Variants in SCFD2 observed in about 807,000 individuals in gnomAD.
SCFD2 encodes the protein sec1 family domain-containing protein 2.
SCFD2 carries 54 observed loss-of-function variants against 58.9 expected under a neutral mutation model. The observed-to-expected ratio is 0.92, with a 90% CI of 0.74 to 1.15. SCFD2 has a LOEUF of 1.15. Among genes scored for constraint, SCFD2 ranks in the 50% most tolerant of loss-of-function variants. The probability of loss-of-function intolerance (pLI) is 0.00; values close to 1 mark genes in which losing one functional copy is unlikely to be tolerated. For synonymous variants in SCFD2, 321 were observed against 335.9 expected (o/e 0.96, Z 0.49); for missense variants, 805 against 836.6 (o/e 0.96, Z 0.47).
intron 3 of SCFD2, among the ~76,000 whole-genome samples, chr4:53,289,237 G>A (rs113294191): frequency 0.13 from 19,100 of 151,972 alleles, 1,381 homozygotes; most frequent in East Asian, 0.22. Context: ...ATGGTGGCAG[G>A]CGCCTGTAAT....
chr4:53,056,513 T>C (rs892735352), intron 5 of SCFD2, among the ~76,000 whole-genome samples: 1 of 152,198 alleles, frequency 6.6e-6, no homozygotes, highest in Admixed American at 6.5e-5. Context: ...CCACAACAAA[T>C]TCATTTATAT....
chr4:53,159,419 G>A (rs1039162041), intron 4 of SCFD2, among the ~76,000 whole-genome samples: 24 of 152,164 alleles, frequency 1.6e-4, no homozygotes, highest in African/African-American at 5.5e-4. Context: ...TTCCCAGTCA[G>A]AAGAAAGCTA....
chr4:53,211,848 A>AT (rs1190192734), intron 4 of SCFD2, among the ~76,000 whole-genome samples: 1 of 152,142 alleles, frequency 6.6e-6, no homozygotes. Context: ...AATATAATCC[A>AT]TTTAAACAAA....
At chr4:52,884,238 T>C (rs547949865) in intron 8 of SCFD2, among the ~76,000 whole-genome samples, 2 of 152,224 alleles carry the variant, frequency 1.3e-5, no homozygotes, top group African/African-American at 4.8e-5. Context: ...TGGGTAGATA[T>C]GTGGAAAGAG....
chr4:53,246,597 A>G (rs913218846), intron 4 of SCFD2, among the ~76,000 whole-genome samples: 4 of 152,330 alleles, frequency 2.6e-5, no homozygotes, highest in Middle Eastern at 3.4e-3. Flanking sequence ...GCAATGGGGA[A>G]AGAACTCCCT....
At chr4:53,217,148 G>A (rs1390022678) in intron 4 of SCFD2, among the ~76,000 whole-genome samples, 1 of 152,320 alleles carries the variant, frequency 6.6e-6, no homozygotes, top group East Asian at 1.9e-4. Flanking sequence ...GAGTTCTGTA[G>A]ATTTCTATTA....
chr4:53,299,013 A>C (rs4435800), intron 3 of SCFD2, among the ~76,000 whole-genome samples: 108,485 of 151,964 alleles, frequency 0.71, 38,905 homozygotes, highest in Middle Eastern at 0.8. Flanking sequence ...AGCAGAAAAA[A>C]CAGAAACTCT....
intron 5 of SCFD2, among the ~76,000 whole-genome samples, chr4:52,929,808 T>C (rs1010982720): frequency 2.6e-5 from 4 of 152,140 alleles, no homozygotes; most frequent in Non-Finnish European, 5.9e-5. Flanking sequence ...TTACAAGGGA[T>C]GCGCTGGACC....
chr4:53,063,063 A>T (rs1723558958), intron 5 of SCFD2, among the ~76,000 whole-genome samples: 1 of 152,198 alleles, frequency 6.6e-6, no homozygotes, highest in South Asian at 2.1e-4. Context: ...TTCAATTATA[A>T]ATATAGGTTT....
intron 5 of SCFD2, among the ~76,000 whole-genome samples, chr4:53,056,722 T>C (rs1327964585): frequency 2.0e-5 from 3 of 152,186 alleles, no homozygotes; most frequent in Non-Finnish European, 4.4e-5. Context: ...CAATAACTTA[T>C]GTTTCGACAT....
chr4:53,130,508 T>C (rs1405023970), intron 5 of SCFD2, among the ~76,000 whole-genome samples: 2 of 152,228 alleles, frequency 1.3e-5, no homozygotes, highest in Non-Finnish European at 2.9e-5. Context: ...ACTGTCAATC[T>C]AAGTGGCAGT....
intron 4 of SCFD2, among the ~76,000 whole-genome samples, chr4:53,185,728 T>A (rs191941690): frequency 6.6e-6 from 1 of 152,266 alleles, no homozygotes; most frequent in Non-Finnish European, 1.5e-5. Flanking sequence ...GTGATTACAA[T>A]CTTTAACTAA....
chr4:53,189,324 A>C (rs906823514), intron 4 of SCFD2, among the ~76,000 whole-genome samples: 3 of 152,216 alleles, frequency 2.0e-5, no homozygotes, highest in Non-Finnish European at 4.4e-5. Context: ...ATTCATCACC[A>C]TCTGATTTAG....
intron 3 of SCFD2, among the ~76,000 whole-genome samples, chr4:53,278,423 TCCCAGCTA>T (rs1280419812): frequency 6.7e-6 from 1 of 149,776 alleles, no homozygotes; most frequent in Non-Finnish European, 1.5e-5. Flanking sequence ...TCACCTATAG[TCCCAGCTA>T]CTCAGGCAGC....
At chr4:52,932,962 G>A (rs1720034799) in intron 5 of SCFD2, among the ~76,000 whole-genome samples, 1 of 152,206 alleles carries the variant, frequency 6.6e-6, no homozygotes, top group Non-Finnish European at 1.5e-5. Context: ...TTGGGACACA[G>A]TCCAGAGAGG....
intron 4 of SCFD2, among the ~76,000 whole-genome samples, chr4:53,188,254 G>T (rs867899535): frequency 2.0e-5 from 3 of 152,174 alleles, no homozygotes; most frequent in Admixed American, 6.6e-5. Context: ...TATAGTTGTA[G>T]AAACACTTCC....
intron 4 of SCFD2, among the ~76,000 whole-genome samples, chr4:53,250,922 C>T (rs944620094): frequency 1.3e-5 from 2 of 151,998 alleles, no homozygotes; most frequent in Non-Finnish European, 2.9e-5. Context: ...AATAGAGACA[C>T]AAAAAACCCT....
At chr4:53,100,594 A>G (rs1724805740) in intron 5 of SCFD2, among the ~76,000 whole-genome samples, 1 of 152,208 alleles carries the variant, frequency 6.6e-6, no homozygotes, top group South Asian at 2.1e-4. Flanking sequence ...ATTATTAAAA[A>G]GTTGCTTTTA....
At chr4:53,288,958 T>C (rs182576768) in intron 3 of SCFD2, among the ~76,000 whole-genome samples, 4 of 152,300 alleles carry the variant, frequency 2.6e-5, no homozygotes, top group African/African-American at 7.2e-5. Context: ...TGTTAAGAAA[T>C]ACACAATATT....
Sources: allele counts gnomAD v4.1 joint callset (sites outside exome capture counted in the v4.1 genomes callset), GRCh38; gene constraint gnomAD v4.1.1; transcripts MANE v1.5; gene names NCBI Gene and HGNC (gene_info 2026-07-23, HGNC 2026-07-21).